Variants in RGS13 observed in about 807,000 individuals in gnomAD.
RGS13 encodes regulator of G-protein signalling 13.
In RGS13, 14 loss-of-function variants were observed where a neutral mutation model predicts 19.9. That is an observed-to-expected ratio of 0.70 (90% CI 0.46 to 1.10). The LOEUF (loss-of-function observed/expected upper bound fraction) is 1.10. RGS13 is among the 50% of genes least tolerant of loss of function. The pLI is 0.00. For missense variants in RGS13, 205 were observed against 187.1 expected, an observed-to-expected ratio of 1.10 and a Z score of -0.56; for synonymous variants, 60 against 56.8, an observed-to-expected ratio of 1.06 and a Z score of -0.25.
At chr1:192,643,663 A>G (rs1283485782) in intron 3 of RGS13, among the ~76,000 whole-genome samples, 2 of 152,220 alleles carry the variant, frequency 1.3e-5, no homozygotes, top group East Asian at 3.9e-4. Flanking sequence ...AAACACAAGA[A>G]TTGTGGCTGG....
At chr1:192,644,923 GA>G (rs1274629058) in intron 4 of RGS13, 1 of 152,074 alleles carries the variant, frequency 6.6e-6, no homozygotes, top group Non-Finnish European at 1.5e-5. Flanking sequence ...TCACCTGAAA[GA>G]ATTCCCAAAA....
intron 5 of RGS13, among the ~76,000 whole-genome samples, chr1:192,655,311 C>T (rs544597403): frequency 6.6e-6 from 1 of 152,238 alleles, no homozygotes; most frequent in South Asian, 2.1e-4. Flanking sequence ...AAATCCAGTT[C>T]AGCTTTCGCT....
At chr1:192,647,434 A>AT (rs1663241484) in intron 4 of RGS13, 1 of 152,176 alleles carries the variant, frequency 6.6e-6, no homozygotes. Flanking sequence ...CCCTTGTAGC[A>AT]TATTTCACCA....
intron 5 of RGS13, among the ~76,000 whole-genome samples, chr1:192,657,920 T>TC (rs1202181914): frequency 3.9e-5 from 6 of 152,120 alleles, no homozygotes; most frequent in Non-Finnish European, 8.8e-5. Flanking sequence ...ATGTCTCCTG[T>TC]CCTATCTGTC....
At chr1:192,641,207 A>T (rs1303718226) in intron 3 of RGS13, among the ~76,000 whole-genome samples, 1 of 92,616 alleles carries the variant, frequency 1.1e-5, no homozygotes, top group Non-Finnish European at 2.1e-5. Context: ...AAAAAAGGAA[A>T]GAAAGAAAGA....
chr1:192,650,433 A>T (rs1287833964), intron 5 of RGS13, among the ~76,000 whole-genome samples: 2 of 152,142 alleles, frequency 1.3e-5, no homozygotes, highest in Admixed American at 1.3e-4. Context: ...GCCAGAGAAT[A>T]AAAATGTGTT....
chr1:192,639,345 T>C (rs1044673512), intron 3 of RGS13, among the ~76,000 whole-genome samples: 1 of 118,216 alleles, frequency 8.5e-6, no homozygotes, highest in African/African-American at 3.1e-5. Context: ...TGAGCTCTTC[T>C]GGCAGCCCCA....
intron 5 of RGS13, among the ~76,000 whole-genome samples, chr1:192,652,570 G>A (rs79030804): frequency 0.039 from 5,991 of 151,754 alleles, 437 homozygotes; most frequent in African/African-American, 0.14. Flanking sequence ...AAAAAACCTC[G>A]CCTAGAATAG....
chr1:192,655,450 G>A (rs1024491149), intron 5 of RGS13, among the ~76,000 whole-genome samples: 9 of 152,014 alleles, frequency 5.9e-5, no homozygotes, highest in African/African-American at 1.7e-4. Context: ...TCCAGCCTTC[G>A]GGCTAAAGGA....
intron 3 of RGS13, among the ~76,000 whole-genome samples, chr1:192,643,335 T>C (rs1038948268): frequency 2.6e-5 from 4 of 152,192 alleles, no homozygotes; most frequent in Non-Finnish European, 5.9e-5. Context: ...ATTATATATG[T>C]ATGTATATAT....
At chr1:192,639,427 G>A (rs1663066585) in intron 3 of RGS13, among the ~76,000 whole-genome samples, 1 of 152,080 alleles carries the variant, frequency 6.6e-6, no homozygotes, top group African/African-American at 2.4e-5. Context: ...CTAAAGCTGG[G>A]ACTCAGTGAT....
chr1:192,644,835 C>T (rs1050115077), intron 4 of RGS13: 12 of 154,562 alleles, frequency 7.8e-5, no homozygotes, highest in African/African-American at 2.9e-4. Flanking sequence ...TTCTATAACT[C>T]AAAATGTTGC....
In RGS13 at chr1:192,660,267, C is replaced by T. The variant is rs942610974; in HGVS notation, c.*744C>T. 4.1e-4 allele frequency: 63 copies of T among 152,194 alleles called. No individual in the cohort carries two copies. Among genetic ancestry groups the T allele is most frequent in the African/African-American group, 1.5e-3 (62 of 41,558 alleles). 9.4% of individuals were successfully genotyped at this position (152,194 alleles called of 1,614,324 possible). A position where few individuals can be genotyped will look rare whatever the true frequency, so the allele number is the denominator to read the frequency against. On this transcript the variant is annotated 3_prime_UTR_variant, in exon 7 of 7. Transcript: ENST00000391995. ...AAGTCAAATATCAACTAAAGACTTA[C>T]ATTATCTTTCTCAAAGACAAAATAA... is the stretch of plus-strand genomic sequence containing the variant.
chr1:192,651,623 G>A (rs1320448044), intron 5 of RGS13, among the ~76,000 whole-genome samples: 2 of 152,014 alleles, frequency 1.3e-5, no homozygotes, highest in African/African-American at 4.8e-5. Flanking sequence ...GCAAAAGTAG[G>A]AGGGAACCAG....
rs956808593 is a variant in RGS13 at position 192,658,607 on chromosome 1, G to T, written c.294+240G>T. On this transcript the variant is annotated intron_variant, in intron 6 of 6. Transcript: ENST00000391995. Reference sequence around the variant, plus strand: ...AAAATTAAATCTATCTGGCTCCAAAGCTTCTCCCCATTAAATTATCTTGAT... The same window carrying T: ...AAAATTAAATCTATCTGGCTCCAAATCTTCTCCCCATTAAATTATCTTGAT... The T allele has an allele frequency of 8.1e-6, 3 of 370,260 alleles. No homozygotes were observed. In the East Asian group the frequency reaches 1.2e-4, roughly 15 times the overall value. The allele number at this position is 370,260 out of a possible 1,614,324, so 22.9% of individuals were successfully genotyped here. A position where few individuals can be genotyped will look rare whatever the true frequency, so the allele number is the denominator to read the frequency against.
chr1:192,647,364 G>GA (rs1663240499), intron 4 of RGS13: 1 of 152,126 alleles, frequency 6.6e-6, no homozygotes, highest in Non-Finnish European at 1.5e-5. Flanking sequence ...TTTTTATGGT[G>GA]AAAAATGAGA....
At chr1:192,645,404 T>G (rs1663198251) in intron 4 of RGS13, 1 of 152,170 alleles carries the variant, frequency 6.6e-6, no homozygotes, top group Non-Finnish European at 1.5e-5. Context: ...ATGACCTAAT[T>G]TAATTTTCAT....
intron 3 of RGS13, among the ~76,000 whole-genome samples, chr1:192,640,263 A>C (rs187285460): frequency 6.6e-6 from 1 of 152,308 alleles, no homozygotes; most frequent in East Asian, 1.9e-4. Flanking sequence ...TGAAACTCGA[A>C]CTAAGTAGCT....
chr1:192,655,727 T>C (rs1338972857), intron 5 of RGS13, among the ~76,000 whole-genome samples: 1 of 152,070 alleles, frequency 6.6e-6, no homozygotes, highest in Admixed American at 6.6e-5. Context: ...TTTAATAGTA[T>C]ATATAGAATA....
Sources: gnomAD v4.1 joint callset for allele counts (sites outside exome capture counted in the v4.1 genomes callset) on GRCh38, gnomAD v4.1.1 for gene constraint, MANE v1.5 for transcripts, NCBI Gene and HGNC (gene_info 2026-07-23, HGNC 2026-07-21) for gene names.